RPS6KC1: variants seen among roughly 807,000 people sequenced by gnomAD.
The protein encoded by RPS6KC1 is ribosomal protein S6 kinase C1.
A neutral mutation model predicts 103.8 loss-of-function variants in RPS6KC1; 54 were observed. The observed-to-expected ratio is 0.52, with a 90% CI of 0.42 to 0.65. The LOEUF (loss-of-function observed/expected upper bound fraction) is 0.65. Among genes scored for constraint, RPS6KC1 ranks in the 30% least tolerant of loss-of-function variants. RPS6KC1 has a pLI of 0.00. For synonymous variants in RPS6KC1, 439 were observed against 438.7 expected, an observed-to-expected ratio of 1.00 and a Z score of -0.01; for missense variants, 1,151 against 1,253.8, an observed-to-expected ratio of 0.92 and a Z score of 1.24.
chr1:213,583,949 T>C, the RPS6KC1 span, among the ~76,000 whole-genome samples: 1 of 152,134 alleles, frequency 6.6e-6, no homozygotes, highest in African/African-American at 2.4e-5. Flanking sequence ...CATCTTGATA[T>C]GGTTTGGCTG....
chr1:213,758,639 C>T, the RPS6KC1 span, among the ~76,000 whole-genome samples: 10 of 151,258 alleles, frequency 6.6e-5, no homozygotes, highest in Middle Eastern at 3.5e-3. Context: ...TCCACATTAA[C>T]AGGGCTTTGG....
At chr1:213,568,297 A>G in the RPS6KC1 span, among the ~76,000 whole-genome samples, 5 of 152,328 alleles carry the variant, frequency 3.3e-5, no homozygotes, top group East Asian at 9.6e-4. Flanking sequence ...TATTTGCTCT[A>G]CAGATCGCTC....
the RPS6KC1 span, among the ~76,000 whole-genome samples, chr1:213,337,599 A>G: frequency 6.6e-6 from 1 of 152,164 alleles, no homozygotes; most frequent in African/African-American, 2.4e-5. Context: ...ATTAAATTCC[A>G]TGGCATTTCT....
the RPS6KC1 span, among the ~76,000 whole-genome samples, chr1:213,619,341 T>A: frequency 9.9e-5 from 15 of 152,224 alleles, no homozygotes; most frequent in African/African-American, 3.6e-4. Context: ...AAGTACCTAC[T>A]CTACACAGCA....
At chr1:213,644,464 C>T in the RPS6KC1 span, among the ~76,000 whole-genome samples, 5 of 152,086 alleles carry the variant, frequency 3.3e-5, no homozygotes, top group South Asian at 2.1e-4. Flanking sequence ...CACATATCCA[C>T]GAGTACAGTA....
chr1:213,789,803 A>G, the RPS6KC1 span, among the ~76,000 whole-genome samples: 15 of 152,336 alleles, frequency 9.8e-5, no homozygotes, highest in Non-Finnish European at 1.9e-4. Flanking sequence ...AATTTGCCTA[A>G]TGCCATCCAT....
intron 12 of RPS6KC1, among the ~76,000 whole-genome samples, chr1:213,261,343 G>A (rs1263107323): frequency 6.6e-6 from 1 of 151,730 alleles, no homozygotes; most frequent in Non-Finnish European, 1.5e-5. Flanking sequence ...AAGAACAAAT[G>A]TCTGAGTTTA....
the RPS6KC1 span, among the ~76,000 whole-genome samples, chr1:213,292,297 AC>A: frequency 1.3e-5 from 2 of 152,138 alleles, no homozygotes; most frequent in African/African-American, 4.8e-5. Context: ...AACAAAAAAA[AC>A]ATGTTGACAT....
the RPS6KC1 span, among the ~76,000 whole-genome samples, chr1:213,640,455 A>ATTT: frequency 1.4e-5 from 2 of 139,888 alleles, no homozygotes; most frequent in African/African-American, 5.3e-5. Flanking sequence ...ATTTGTGTTC[A>ATTT]TTTTTTTTTT....
chr1:213,210,648 A>C (rs1044138885), intron 8 of RPS6KC1, among the ~76,000 whole-genome samples: 1 of 152,370 alleles, frequency 6.6e-6, no homozygotes, highest in Middle Eastern at 3.4e-3. Context: ...TTGTGTTCTT[A>C]TACTCAATAA....
At chr1:213,393,410 T>G in the RPS6KC1 span, among the ~76,000 whole-genome samples, 1 of 152,196 alleles carries the variant, frequency 6.6e-6, no homozygotes, top group Admixed American at 6.5e-5. Flanking sequence ...CTTTTCTCCC[T>G]TCACTCCGAA....
At chr1:213,152,310 G>A (rs1401874201) in intron 6 of RPS6KC1, among the ~76,000 whole-genome samples, 9 of 147,092 alleles carry the variant, frequency 6.1e-5, no homozygotes, top group African/African-American at 1.0e-4. Flanking sequence ...CGGATGGGGC[G>A]GCTGGCCGGG....
intron 8 of RPS6KC1, among the ~76,000 whole-genome samples, chr1:213,181,869 A>G (rs1363766121): frequency 2.0e-5 from 3 of 152,246 alleles, no homozygotes; most frequent in African/African-American, 7.2e-5. Context: ...CAATACATGC[A>G]AGAATCTTGT....
chr1:213,638,103 G>C, the RPS6KC1 span, among the ~76,000 whole-genome samples: 1 of 152,018 alleles, frequency 6.6e-6, no homozygotes, highest in African/African-American at 2.4e-5. Context: ...ACAGGTGTGA[G>C]CCACTGTTCC....
At chr1:213,086,061 A>G (rs1487003580) in intron 3 of RPS6KC1, among the ~76,000 whole-genome samples, 1 of 152,146 alleles carries the variant, frequency 6.6e-6, no homozygotes, top group African/African-American at 2.4e-5. Flanking sequence ...AATGGTGTTA[A>G]AGACTATGCT....
chr1:213,189,623 C>A (rs1425346283), intron 8 of RPS6KC1, among the ~76,000 whole-genome samples: 1 of 151,986 alleles, frequency 6.6e-6, no homozygotes, highest in Non-Finnish European at 1.5e-5. Flanking sequence ...GGTATCCATG[C>A]CCTCAAGTAT....
chr1:213,337,561 C>A, the RPS6KC1 span, among the ~76,000 whole-genome samples: 1 of 152,064 alleles, frequency 6.6e-6, no homozygotes, highest in Non-Finnish European at 1.5e-5. Context: ...CTGATTTGAC[C>A]CCATGTTATT....
At chr1:213,566,312 T>C in the RPS6KC1 span, among the ~76,000 whole-genome samples, 4 of 152,100 alleles carry the variant, frequency 2.6e-5, no homozygotes, top group Non-Finnish European at 5.9e-5. Context: ...CATGGTTTTA[T>C]TGAACATCTT....
downstream of RPS6KC1, among the ~76,000 whole-genome samples, chr1:213,275,028 C>T (rs1278938741): frequency 6.6e-6 from 1 of 152,210 alleles, no homozygotes; most frequent in East Asian, 1.9e-4. Context: ...TTGACTGTGA[C>T]TGTTCTAAGT....
Sources: allele counts gnomAD v4.1 joint callset (sites outside exome capture counted in the v4.1 genomes callset), GRCh38; gene constraint gnomAD v4.1.1; transcripts MANE v1.5; gene names NCBI Gene and HGNC (gene_info 2026-07-23, HGNC 2026-07-21).